Variants in EYS observed in about 807,000 individuals in gnomAD.
EYS encodes the protein EGF-like photoreceptor maintenance factor, also known as protein eyes shut homolog.
A neutral mutation model predicts 282.1 loss-of-function variants in EYS; 250 were observed. That is an observed-to-expected ratio of 0.89 (90% CI 0.80 to 0.98). The LOEUF is 0.98. EYS is among the 50% of genes least tolerant of loss of function. EYS has a pLI of 0.00. For missense variants in EYS, 4,016 were observed against 3,709.0 expected (o/e 1.08, Z -2.15); for synonymous variants, 1,355 against 1,282.9 (o/e 1.06, Z -1.20).
intron 24 of EYS, among the ~76,000 whole-genome samples, chr6:64,613,218 A>G (rs958378041): frequency 1.3e-5 from 2 of 152,148 alleles, no homozygotes; most frequent in African/African-American, 2.4e-5. Context: ...GAACAATCCC[A>G]TAAAGCCTTC....
At chr6:64,127,269 G>T in intron 31 of EYS, among the ~76,000 whole-genome samples, 1 of 152,116 alleles carries the variant, frequency 6.6e-6, no homozygotes, top group East Asian at 1.9e-4. Flanking sequence ...TAATTTACTT[G>T]AACAGTATTG....
intron 2 of EYS, among the ~76,000 whole-genome samples, chr6:65,598,086 C>T (rs184588749): frequency 5.3e-5 from 8 of 151,388 alleles, no homozygotes; most frequent in Admixed American, 4.0e-4. Context: ...GGCAACAGAA[C>T]GAAACCTTGT....
At chr6:64,192,174 T>C (rs1765134302) in intron 31 of EYS, among the ~76,000 whole-genome samples, 2 of 146,644 alleles carry the variant, frequency 1.4e-5, no homozygotes, top group South Asian at 4.4e-4. Flanking sequence ...TTTGATGGGG[T>C]TGTTTGTTTT....
chr6:64,305,579 C>T (rs1769409831), intron 30 of EYS, among the ~76,000 whole-genome samples: 1 of 152,058 alleles, frequency 6.6e-6, no homozygotes, highest in African/African-American at 2.4e-5. Flanking sequence ...AGAAATAAAC[C>T]CTTATGTATA....
At chr6:64,638,645 C>T (rs1233891191) in intron 22 of EYS, among the ~76,000 whole-genome samples, 1 of 90,966 alleles carries the variant, frequency 1.1e-5, no homozygotes, top group Admixed American at 1.2e-4. Context: ...ACAACAAAAT[C>T]CTCCCTGACA....
chr6:65,450,184 G>T (rs1401527884), intron 5 of EYS, among the ~76,000 whole-genome samples: 1 of 152,026 alleles, frequency 6.6e-6, no homozygotes, highest in Non-Finnish European at 1.5e-5. Flanking sequence ...ACTGTCATCA[G>T]AATCCTAGCC....
chr6:64,842,364 C>T (rs1765588161), intron 19 of EYS, among the ~76,000 whole-genome samples: 1 of 151,608 alleles, frequency 6.6e-6, no homozygotes, highest in Non-Finnish European at 1.5e-5. Flanking sequence ...GAGTCCCCAC[C>T]CGAATCTCAT....
chr6:64,464,403 G>T (rs1317106681), intron 26 of EYS, among the ~76,000 whole-genome samples: 1 of 152,080 alleles, frequency 6.6e-6, no homozygotes, highest in Admixed American at 6.5e-5. Flanking sequence ...CAAGACTAGG[G>T]TGCTTTACAT....
At chr6:64,659,158 G>A (rs2149885555) in intron 22 of EYS, among the ~76,000 whole-genome samples, 1 of 151,828 alleles carries the variant, frequency 6.6e-6, no homozygotes, top group South Asian at 2.1e-4. Context: ...CAAAATGAAG[G>A]AAGAAATAAA....
chr6:64,573,474 CA>C (rs1765787821), intron 26 of EYS, among the ~76,000 whole-genome samples: 1 of 152,110 alleles, frequency 6.6e-6, no homozygotes. Flanking sequence ...AAGAAACTAT[CA>C]TCAGAGTGAA....
At chr6:64,245,974 G>A (rs1261646174) in intron 30 of EYS, among the ~76,000 whole-genome samples, 2 of 122,952 alleles carry the variant, frequency 1.6e-5, no homozygotes, top group South Asian at 5.2e-4. Context: ...AGTCGAGATC[G>A]CGCCACTGCA....
intron 29 of EYS, among the ~76,000 whole-genome samples, chr6:64,310,342 G>A (rs7765711): frequency 6.6e-6 from 1 of 151,944 alleles, no homozygotes; most frequent in Non-Finnish European, 1.5e-5. Context: ...AAAATACCCA[G>A]CAATAATAGA....
chr6:64,746,473 C>T (rs1322488003), intron 22 of EYS, among the ~76,000 whole-genome samples: 9 of 151,950 alleles, frequency 5.9e-5, no homozygotes, highest in Admixed American at 2.6e-4. Flanking sequence ...AAAAAAATAA[C>T]GCATCTGTGG....
intron 22 of EYS, among the ~76,000 whole-genome samples, chr6:64,703,404 C>CATAT (rs1583059398): frequency 3.4e-4 from 11 of 32,794 alleles, no homozygotes; most frequent in South Asian, 1.3e-3. Flanking sequence ...CACACACACA[C>CATAT]ACACACATAT....
At chr6:64,971,344 G>A (rs1323346947) in intron 14 of EYS, among the ~76,000 whole-genome samples, 1 of 151,632 alleles carries the variant, frequency 6.6e-6, no homozygotes, top group East Asian at 1.9e-4. Context: ...TGGATGAAAA[G>A]TGAGCATCGG....
chr6:64,328,989 C>A (rs1267464855), intron 29 of EYS, among the ~76,000 whole-genome samples: 1 of 152,100 alleles, frequency 6.6e-6, no homozygotes, highest in Non-Finnish European at 1.5e-5. Flanking sequence ...CTGGCCAGAA[C>A]CCCCTACTGC....
intron 30 of EYS, among the ~76,000 whole-genome samples, chr6:64,266,747 T>A (rs1767771338): frequency 6.6e-6 from 1 of 152,012 alleles, no homozygotes; most frequent in African/African-American, 2.4e-5. Flanking sequence ...CTCTGAGGAG[T>A]CACCAGCATT....
intron 16 of EYS, among the ~76,000 whole-genome samples, chr6:64,906,322 CAT>C (rs1377298842): frequency 7.9e-5 from 12 of 151,606 alleles, no homozygotes; most frequent in African/African-American, 2.9e-4. Context: ...AAATATTTAA[CAT>C]GTTTTATGTT....
intron 14 of EYS, among the ~76,000 whole-genome samples, chr6:64,996,046 T>C (rs1771252273): frequency 1.3e-5 from 2 of 152,142 alleles, no homozygotes; most frequent in South Asian, 4.1e-4. Flanking sequence ...CAACCTAAAA[T>C]AAAGCGTAAT....
Sources: allele counts gnomAD v4.1 joint callset (sites outside exome capture counted in the v4.1 genomes callset), GRCh38; gene constraint gnomAD v4.1.1; transcripts MANE v1.5; gene names NCBI Gene and HGNC (gene_info 2026-07-23, HGNC 2026-07-21).